AMOTL1: variants seen among roughly 807,000 people sequenced by gnomAD.
The protein encoded by AMOTL1 is angiomotin-like protein 1.
In AMOTL1, 45 loss-of-function variants were observed where a neutral mutation model predicts 102.9. The observed-to-expected ratio is 0.44, with a 90% CI of 0.34 to 0.56. The LOEUF is 0.56. Among genes scored for constraint, AMOTL1 ranks in the 20% least tolerant of loss-of-function variants. The probability of loss-of-function intolerance (pLI) is 0.01; values close to 1 mark genes in which losing one functional copy is unlikely to be tolerated. For synonymous variants in AMOTL1, 481 were observed against 484.7 expected (o/e 0.99, Z 0.10); for missense variants, 1,114 against 1,225.6 (o/e 0.91, Z 1.36).
Position 94,873,874 on chromosome 11 carries a change from A to G in AMOTL1, c.*3079A>G, listed in dbSNP as rs942081930. ...AAGCCCAGAACTCCTAGAATCACCT[A>G]TAAATGCTAGGCATAGATGGAAATT... On this transcript the variant is annotated 3_prime_UTR_variant, in exon 13 of 13. Transcript: ENST00000433060. 1 of 152,388 alleles carries G rather than the reference A, an allele frequency of 6.6e-6. No homozygotes were observed. Among genetic ancestry groups the G allele is most frequent in the East Asian group, 1.9e-4 (1 of 5,192 alleles). The allele number at this position is 152,388 out of a possible 1,614,324, so 9.4% of individuals were successfully genotyped here.
In AMOTL1 at chr11:94,850,130, G is replaced by T; in HGVS notation, c.1665G>T (p.Lys555Asn). Reference sequence around the variant, plus strand: ...CCCTTCTAGACAAAGAATTCTTGAAGGAAAAGGAGAAATTAGAAATGGAGT... The same window carrying T: ...CCCTTCTAGACAAAGAATTCTTGAATGAAAAGGAGAAATTAGAAATGGAGT... ...HYASQNKEFL[K>N]EKEKLEMELA... The change falls in exon 7 of 13, where the codon AAG becomes AAT. Residue 555 changes from lysine to asparagine, a missense_variant. Physicochemically the swap from Lys to Asn is moderately conservative, Grantham distance 94 (BLOSUM62 0). Coordinates refer to ENST00000433060, the MANE Select transcript of AMOTL1 (RefSeq NM_130847.3). 6 of 1,581,380 alleles carry T rather than the reference G, an allele frequency of 3.8e-6. No individual in the cohort carries two copies. The highest frequency in any genetic ancestry group is 5.2e-6 in the Non-Finnish European group (6 of 1,162,900).
chr11:94,847,196 G>A lies in AMOTL1; in HGVS notation c.1649-2918G>A, dbSNP rs77832447. 2.9e-3 allele frequency among the ~76,000 whole-genome samples: 439 copies of A among 152,254 alleles called. 3 individuals carry two copies. Among genetic ancestry groups the A allele is most frequent in the African/African-American group, 0.01 (420 of 41,546 alleles). ...ATCTTTGTCTGTAGTGTACACTGTG[G>A]GGTTTAGGGAGCCTGGGCAGAGGAA... On this transcript the variant is annotated intron_variant, in intron 6 of 12. Transcript: ENST00000433060.
Position 94,871,877 on chromosome 11 carries a change from C to G in AMOTL1, c.*1082C>G, listed in dbSNP as rs1458652953. ...GGACAGCACTCCAGGAAACAGATGA[C>G]AATTTACAGACAGTTGTCTCAGTGG... On this transcript the variant is annotated 3_prime_UTR_variant, in exon 13 of 13. Transcript: ENST00000433060. 6.6e-6 allele frequency: 1 copy of G among 152,092 alleles called. No homozygotes were observed. Among genetic ancestry groups the G allele is most frequent in the African/African-American group, 2.4e-5 (1 of 41,384 alleles). 9.4% of individuals were successfully genotyped at this position (152,092 alleles called of 1,614,324 possible).
intron 4 of AMOTL1, among the ~76,000 whole-genome samples, chr11:94,828,117 C>CA (rs1952001594): frequency 1.3e-5 from 2 of 152,168 alleles, no homozygotes; most frequent in African/African-American, 2.4e-5. Flanking sequence ...TCTCCAAACC[C>CA]AGACTGGTTT....
intron 1 of AMOTL1, among the ~76,000 whole-genome samples, chr11:94,792,242 T>C (rs150231845): frequency 1.3e-5 from 2 of 152,266 alleles, no homozygotes; most frequent in African/African-American, 4.8e-5. Flanking sequence ...ACACCACATG[T>C]TCTCACTCAT....
intron 2 of AMOTL1, among the ~76,000 whole-genome samples, chr11:94,731,877 A>G (rs771512682): frequency 6.6e-6 from 1 of 152,104 alleles, no homozygotes; most frequent in Non-Finnish European, 1.5e-5. Flanking sequence ...CCATTTACAA[A>G]CTTGTATTGC....
chr11:94,803,457 A>G (rs1399415340), intron 3 of AMOTL1, among the ~76,000 whole-genome samples: 1 of 152,172 alleles, frequency 6.6e-6, no homozygotes, highest in Non-Finnish European at 1.5e-5. Flanking sequence ...CCTGCAGGGA[A>G]CATGTGTTGG....
chr11:94,826,887 T>C (rs1951976527), intron 4 of AMOTL1, among the ~76,000 whole-genome samples: 1 of 152,202 alleles, frequency 6.6e-6, no homozygotes, highest in South Asian at 2.1e-4. Context: ...ATCCTTGTTT[T>C]TTTTTCTAGG....
intron 1 of AMOTL1, among the ~76,000 whole-genome samples, chr11:94,708,901 A>C (rs975155821): frequency 6.6e-6 from 1 of 152,210 alleles, no homozygotes; most frequent in Non-Finnish European, 1.5e-5. Flanking sequence ...CTGAGTAAAC[A>C]GGTCTGCAAA....
At chr11:94,751,110 GGAATT>G (rs1182273307) in intron 3 of AMOTL1, among the ~76,000 whole-genome samples, 2 of 152,064 alleles carry the variant, frequency 1.3e-5, no homozygotes, top group African/African-American at 4.8e-5. Flanking sequence ...GACTGTATTG[GGAATT>G]GAATAAATAT....
intron 1 of AMOTL1, among the ~76,000 whole-genome samples, chr11:94,791,384 A>G (rs1262852699): frequency 1.3e-5 from 2 of 151,968 alleles, no homozygotes; most frequent in Non-Finnish European, 2.9e-5. Context: ...CAGAGAGCTG[A>G]CTCCTTTACT....
Position 94,871,769 on chromosome 11 carries a change from C to T in AMOTL1, c.*974C>T, listed in dbSNP as rs1953001339. ...GACATATTGCATTAAGATCGTGGCACTTGCTTTTTTGTCTTTCACATCGGC... is the reference window on the plus strand; with the variant it reads ...GACATATTGCATTAAGATCGTGGCATTTGCTTTTTTGTCTTTCACATCGGC... On this transcript the variant is annotated 3_prime_UTR_variant, in exon 13 of 13. Transcript: ENST00000433060. 1 of 152,262 alleles carries T rather than the reference C, an allele frequency of 6.6e-6. No individual in the cohort carries two copies. 9.4% of individuals were successfully genotyped at this position (152,262 alleles called of 1,614,324 possible). A position where few individuals can be genotyped will look rare whatever the true frequency, so the allele number is the denominator to read the frequency against.
At chr11:94,760,994 G>A (rs925369327) in intron 3 of AMOTL1, among the ~76,000 whole-genome samples, 1 of 151,816 alleles carries the variant, frequency 6.6e-6, no homozygotes, top group African/African-American at 2.4e-5. Context: ...GGCTGGTCTT[G>A]AACTCCTGGT....
At chr11:94,740,513 C>T (rs1292113380) in intron 2 of AMOTL1, among the ~76,000 whole-genome samples, 3 of 151,700 alleles carry the variant, frequency 2.0e-5, no homozygotes, top group Non-Finnish European at 4.4e-5. Flanking sequence ...GCCGCCGCCG[C>T]CGCGCGCCCT....
At chr11:94,772,126 A>G (rs1306910318) in intron 1 of AMOTL1, among the ~76,000 whole-genome samples, 1 of 152,216 alleles carries the variant, frequency 6.6e-6, no homozygotes, top group Non-Finnish European at 1.5e-5. Flanking sequence ...CCCCATTGGT[A>G]ACATCTTACA....
chr11:94,861,782 A>G lies in AMOTL1; in HGVS notation c.2135+2067A>G, dbSNP rs552278009. Among the ~76,000 whole-genome samples the G allele has an allele frequency of 3.3e-5, 5 of 152,306 alleles. No homozygotes were observed. The East Asian group carries it at 9.6e-4, about 29-fold the overall frequency. On this transcript the variant is annotated intron_variant, in intron 9 of 12. Transcript: ENST00000433060. ...TTGTTGTTTCAGCGTCTGTGGGTTT[A>G]TCACGTTAGATGTCTGTTTGGGATC... is the stretch of plus-strand genomic sequence containing the variant.
chr11:94,831,400 A>T, intron 5 of AMOTL1, 52 bp from the exon 6 acceptor site: 3 of 1,439,596 alleles, frequency 2.1e-6, no homozygotes, highest in Non-Finnish European at 2.9e-6. Flanking sequence ...TGGTTAGATG[A>T]TGACTTCAAT....
intron 3 of AMOTL1, among the ~76,000 whole-genome samples, chr11:94,758,310 G>A (rs1950752020): frequency 1.3e-5 from 2 of 152,206 alleles, no homozygotes; most frequent in Admixed American, 1.3e-4. Context: ...GTGGCAGGAG[G>A]TTTTGGAACG....
At chr11:94,745,047 C>T (rs1166406050) in intron 3 of AMOTL1, among the ~76,000 whole-genome samples, 1 of 151,736 alleles carries the variant, frequency 6.6e-6, no homozygotes, top group East Asian at 1.9e-4. Context: ...CTTTATTTTC[C>T]TTGACCTGCT....
Sources: gnomAD v4.1 joint callset for allele counts (sites outside exome capture counted in the v4.1 genomes callset) on GRCh38, gnomAD v4.1.1 for gene constraint, MANE v1.5 for transcripts, NCBI Gene and HGNC (gene_info 2026-07-23, HGNC 2026-07-21) for gene names.